The following DNAH8 variants were observed in gnomAD, a reference collection of about 807,000 sequenced individuals.
DNAH8 encodes the protein axonemal beta dynein heavy chain 8.
DNAH8 carries 382 observed loss-of-function variants against 562.1 expected under a neutral mutation model. That is an observed-to-expected ratio of 0.68 (90% CI 0.63 to 0.74). The LOEUF (loss-of-function observed/expected upper bound fraction) is 0.74. Ranked by LOEUF, DNAH8 falls within the 30% of genes least tolerant of loss-of-function variation. The pLI, the probability that DNAH8 is intolerant of heterozygous loss-of-function variation, is 0.00. For missense variants in DNAH8, 5,203 were observed against 5,620.4 expected (o/e 0.93, Z 2.37); for synonymous variants, 1,881 against 1,919.4 (o/e 0.98, Z 0.52).
rs1196316242 is a variant in DNAH8 at position 38,982,479 on chromosome 6, C to CT, written c.12951+23dup. ...ATTAAGAAAGTGAGTGAAATTATGC[C>CT]TTTTTTCCTGTTTTTATTGCTCTTC... is the stretch of plus-strand genomic sequence containing the variant. On this transcript the variant is annotated intron_variant, in intron 86 of 92. Transcript: ENST00000327475. The CT allele has an allele frequency of 4.9e-6, 6 of 1,225,608 alleles. No individual in the cohort carries two copies. The highest frequency in any genetic ancestry group is 3.6e-5 in the South Asian group (3 of 82,462). 75.9% of individuals were successfully genotyped at this position (1,225,608 alleles called of 1,614,324 possible). A position where few individuals can be genotyped will look rare whatever the true frequency, so the allele number is the denominator to read the frequency against.
chr6:38,969,803 G>C (rs924402960), intron 82 of DNAH8, among the ~76,000 whole-genome samples: 3 of 152,042 alleles, frequency 2.0e-5, no homozygotes, highest in African/African-American at 4.8e-5. Context: ...TTGGATTTTG[G>C]ATTTTGCCTT....
intron 11 of DNAH8, among the ~76,000 whole-genome samples, chr6:38,767,815 A>G (rs147125098): frequency 1.2e-4 from 18 of 152,288 alleles, no homozygotes; most frequent in African/African-American, 4.3e-4. Context: ...GTGTATTCCT[A>G]GAAGGGAAAT....
intron 74 of DNAH8, among the ~76,000 whole-genome samples, chr6:38,927,805 G>A (rs111579500): frequency 0.013 from 1,957 of 152,180 alleles, 34 homozygotes; most frequent in Middle Eastern, 0.037. Flanking sequence ...AGTCTTCACT[G>A]AAGTCCTTTC....
intron 32 of DNAH8, among the ~76,000 whole-genome samples, chr6:38,836,056 G>C (rs547651998): frequency 6.6e-6 from 1 of 152,002 alleles, no homozygotes; most frequent in Non-Finnish European, 1.5e-5. Context: ...CAGAATTGAC[G>C]GGCCTGAAAC....
chr6:38,857,840 G>T, intron 42 of DNAH8, 98 bp downstream of exon 42: 1 of 757,766 alleles, frequency 1.3e-6, no homozygotes, highest in Non-Finnish European at 2.1e-6. Context: ...CATTTACTTG[G>T]TCCTTTTTCA....
intron 16 of DNAH8, among the ~76,000 whole-genome samples, chr6:38,782,473 C>A (rs528025871): frequency 6.6e-6 from 1 of 151,956 alleles, no homozygotes; most frequent in Non-Finnish European, 1.5e-5. Context: ...AGAGAGACAG[C>A]GTTTCACTAT....
chr6:38,883,479 A>C (rs1561813064), intron 55 of DNAH8, 23 bp downstream of exon 55: 1 of 1,600,446 alleles, frequency 6.2e-7, no homozygotes, highest in East Asian at 2.2e-5. Flanking sequence ...ATTTGCTGTA[A>C]TATTATAAAC....
chr6:38,879,416 A>C (rs1778287049), intron 53 of DNAH8, among the ~76,000 whole-genome samples: 1 of 152,236 alleles, frequency 6.6e-6, no homozygotes, highest in South Asian at 2.1e-4. Flanking sequence ...TTATTCTAGA[A>C]ATGGAAGATC....
intron 53 of DNAH8, among the ~76,000 whole-genome samples, chr6:38,876,649 T>G (rs2150447863): frequency 6.6e-6 from 1 of 152,228 alleles, no homozygotes; most frequent in Non-Finnish European, 1.5e-5. Flanking sequence ...AAGTGGAAAC[T>G]GGGGCAAAAG....
chr6:38,894,404 T>C (rs966563179), intron 58 of DNAH8, among the ~76,000 whole-genome samples: 2 of 152,202 alleles, frequency 1.3e-5, no homozygotes, highest in Non-Finnish European at 2.9e-5. Context: ...CCTTAAGAAT[T>C]CAGGGGAGGT....
chr6:38,894,859 A>G lies in DNAH8; in HGVS notation c.8742A>G (p.Ala2914=), dbSNP rs200031658. The change falls in exon 59 of 93, where the codon GCA becomes GCG. Residue 2914 remains alanine (A), a synonymous_variant. Coordinates refer to ENST00000327475, the MANE Select transcript of DNAH8 (RefSeq NM_001206927.2). ...AACACGAGTGCAGCAGAGTAATTGC[A>G]GACAGGTGCGTGTTGCGGCACTAGA... ...LFKHECSRVI[A]DRFITPEDEQ... is the part of the protein sequence containing the mutation. The G allele has an allele frequency of 7.3e-5, 118 of 1,613,236 alleles. No homozygotes were observed. Among genetic ancestry groups the G allele is most frequent in the Non-Finnish European group, 9.7e-5 (114 of 1,179,800 alleles).
At chr6:38,894,580 C>G (rs1228318991) in intron 58 of DNAH8, 121 bp from the exon 59 acceptor site, 4 of 810,318 alleles carry the variant, frequency 4.9e-6, no homozygotes, top group Non-Finnish European at 7.8e-6. Flanking sequence ...TGAACTTAAT[C>G]TTGATTTATT....
In DNAH8 at chr6:38,894,720, C is replaced by T; in HGVS notation, c.8603C>T (p.Pro2868Leu). The T allele has an allele frequency of 6.2e-7, 1 of 1,613,880 alleles. No homozygotes were observed. The highest frequency in any genetic ancestry group is 8.5e-7 in the Non-Finnish European group (1 of 1,179,856). The change falls in exon 59 of 93, where the codon CCT (proline) becomes CTT (leucine). Residue 2868 changes from proline to leucine, a missense_variant. Pro to Leu is a moderately conservative substitution (Grantham distance 98). Transcript: ENST00000327475. The stretch of plus-strand genomic sequence containing the variant: ...CTCTAGGTGAAGATGCTGCCAACTC[C>T]TTCTAAATTTCATTACATCTTCAAT... ...QWTKVKMLPTPSKFHYIFNLR... is the reference protein window; with the variant it reads ...QWTKVKMLPTLSKFHYIFNLR...
At chr6:38,937,439 C>T (rs1391893829) in intron 77 of DNAH8, among the ~76,000 whole-genome samples, 1 of 152,096 alleles carries the variant, frequency 6.6e-6, no homozygotes, top group Non-Finnish European at 1.5e-5. Context: ...ACCCAATTTG[C>T]TCTTGTTAGA....
intron 31 of DNAH8, among the ~76,000 whole-genome samples, 199 bp downstream of exon 31, chr6:38,832,634 AAAG>A (rs1773938254): frequency 6.6e-6 from 1 of 152,196 alleles, no homozygotes; most frequent in South Asian, 2.1e-4. Context: ...CATATTGGAA[AAAG>A]AAGAATTTTT....
chr6:38,868,709 C>G (rs1176719178), intron 48 of DNAH8, among the ~76,000 whole-genome samples: 1 of 151,362 alleles, frequency 6.6e-6, no homozygotes, highest in Non-Finnish European at 1.5e-5. Flanking sequence ...GACTCTCAGT[C>G]ACCCAGGCTG....
At chr6:38,772,516 A>G (rs956993843) in intron 12 of DNAH8, among the ~76,000 whole-genome samples, 4 of 152,100 alleles carry the variant, frequency 2.6e-5, no homozygotes, top group East Asian at 1.9e-4. Flanking sequence ...AAAAACATCT[A>G]TTCAGATTCT....
intron 33 of DNAH8, among the ~76,000 whole-genome samples, chr6:38,839,799 A>G (rs957594378): frequency 4.6e-5 from 7 of 151,750 alleles, no homozygotes; most frequent in African/African-American, 1.7e-4. Flanking sequence ...AGTAGCTGGG[A>G]TTATAGGCAT....
intron 8 of DNAH8, among the ~76,000 whole-genome samples, chr6:38,749,556 A>G (rs1765248301): frequency 6.6e-6 from 1 of 151,362 alleles, no homozygotes. Flanking sequence ...AAAAAAAGAC[A>G]ATGTCTAATT....
Sources: allele counts gnomAD v4.1 joint callset (sites outside exome capture counted in the v4.1 genomes callset), GRCh38; gene constraint gnomAD v4.1.1; transcripts MANE v1.5; gene names NCBI Gene and HGNC (gene_info 2026-07-23, HGNC 2026-07-21).